Variants in NCOA2 observed in about 807,000 individuals in gnomAD.
NCOA2 encodes the protein nuclear receptor coactivator 2.
Under a neutral mutation model 145.1 loss-of-function variants are expected in NCOA2, and 21 were observed. The ratio of observed to expected loss-of-function variants is 0.14; its 90% CI spans 0.10 to 0.21. The LOEUF is 0.21. Ranked by LOEUF, NCOA2 falls within the 10% of genes least tolerant of loss-of-function variation. The pLI is 1.00. For synonymous variants in NCOA2, 619 were observed against 637.5 expected (o/e 0.97, Z 0.44); for missense variants, 1,472 against 1,837.6 (o/e 0.80, Z 3.64).
At chr8:70,408,267 G>A (rs1814812342), upstream of NCOA2, among the ~76,000 whole-genome samples, 1 of 152,188 alleles carries the variant, frequency 6.6e-6, no homozygotes, top group South Asian at 2.1e-4. Context: ...ATGATATAGT[G>A]TACGTACAAA....
intron 22 of NCOA2, among the ~76,000 whole-genome samples, chr8:70,116,994 G>A (rs901211181): frequency 3.9e-5 from 6 of 152,224 alleles, no homozygotes; most frequent in Admixed American, 1.3e-4. Context: ...GACTACAAGC[G>A]TGCCACCCAC....
chr8:70,161,807 C>G (rs953241140), intron 9 of NCOA2, among the ~76,000 whole-genome samples: 1 of 152,202 alleles, frequency 6.6e-6, no homozygotes, highest in East Asian at 1.9e-4. Flanking sequence ...ATGTGGAGCC[C>G]TGGCCAACCG....
chr8:70,404,877 TG>T (rs1454819011), upstream of NCOA2, among the ~76,000 whole-genome samples: 3 of 151,116 alleles, frequency 2.0e-5, no homozygotes, highest in Non-Finnish European at 4.4e-5. Flanking sequence ...GGTAATTAGT[TG>T]AAAAAAAAAA....
rs147098821 is a variant in NCOA2 at position 70,192,143 on chromosome 8, T to C, written c.260-17284A>G. ...TGTATTTCAAAGAATACATTTCCAA[T>C]TGTATCTGTACGTGGAATACCATTT... On this transcript the variant is annotated intron_variant, in intron 4 of 22. Coordinates refer to ENST00000452400, the MANE Select transcript of NCOA2 (RefSeq NM_006540.4). Among the ~76,000 whole-genome samples, 15 of 152,358 alleles carry C rather than the reference T, an allele frequency of 9.8e-5. No individual in the cohort carries two copies. In the East Asian group the frequency reaches 2.7e-3, roughly 27 times the overall value.
At chr8:70,229,219 G>C (rs181157029) in intron 2 of NCOA2, among the ~76,000 whole-genome samples, 58 of 152,180 alleles carry the variant, frequency 3.8e-4, no homozygotes, top group African/African-American at 1.3e-3. Flanking sequence ...TAGCTGCTAA[G>C]GGCAAAATGC....
intron 2 of NCOA2, among the ~76,000 whole-genome samples, chr8:70,235,036 A>G (rs1411244799): frequency 6.6e-6 from 1 of 152,214 alleles, no homozygotes; most frequent in Non-Finnish European, 1.5e-5. Context: ...TCTAAGCAGC[A>G]TAATAGGTGA....
intron 1 of NCOA2, among the ~76,000 whole-genome samples, chr8:70,326,614 T>C (rs1255853421): frequency 6.6e-6 from 1 of 152,138 alleles, no homozygotes; most frequent in Non-Finnish European, 1.5e-5. Flanking sequence ...TTACATGATA[T>C]ATATATAACA....
intron 1 of NCOA2, among the ~76,000 whole-genome samples, chr8:70,323,225 A>G (rs1479317733): frequency 4.6e-5 from 7 of 152,222 alleles, no homozygotes; most frequent in Non-Finnish European, 1.0e-4. Context: ...ATCAAACATA[A>G]TCCCTGCCTG....
chr8:70,403,275 G>A (rs1453208626), intron 1 of NCOA2, among the ~76,000 whole-genome samples: 2 of 151,236 alleles, frequency 1.3e-5, no homozygotes, highest in Non-Finnish European at 3.0e-5. Flanking sequence ...TGGGCAATGG[G>A]CACTCGCTCC....
intron 1 of NCOA2, among the ~76,000 whole-genome samples, chr8:70,351,984 T>TTA (rs1554633196): frequency 2.0e-5 from 3 of 151,788 alleles, no homozygotes; most frequent in Admixed American, 1.3e-4. Flanking sequence ...ATTTTTTTTT[T>TTA]AAAAAAGGAA....
At chr8:70,338,057 A>G (rs1807787445) in intron 1 of NCOA2, among the ~76,000 whole-genome samples, 1 of 152,106 alleles carries the variant, frequency 6.6e-6, no homozygotes. Flanking sequence ...AAATACCCGA[A>G]AGCTAGCAGA....
Position 70,156,843 on chromosome 8 carries a change from A to G in NCOA2, c.1522T>C (p.Ser508Pro). 1 of 1,613,968 alleles carries G rather than the reference A, an allele frequency of 6.2e-7. No homozygotes were observed. The highest frequency in any genetic ancestry group is 1.7e-5 in the Admixed American group (1 of 60,020). Residue 508 changes from serine to proline, a missense_variant, in exon 11 of 23, where the codon TCC becomes CCC. Ser to Pro is a moderately conservative substitution (Grantham distance 74). Coordinates refer to ENST00000452400, the MANE Select transcript of NCOA2 (RefSeq NM_006540.4). ...GSPRIPPSQF[S>P]PAGSLHSPVG... ...GGGGAATGCAAGCTTCCTGCAGGGG[A>G]AAACTGACTGGGTGGGATTCGAGGG...
chr8:70,126,854 G>A lies in NCOA2; in HGVS notation c.3875C>T (p.Pro1292Leu). 1 of 1,613,972 alleles carries A rather than the reference G, an allele frequency of 6.2e-7. No homozygotes were observed. Among genetic ancestry groups the A allele is most frequent in the Non-Finnish European group, 8.5e-7 (1 of 1,179,890 alleles). Reference sequence around the variant, plus strand: ...TGGAAACTGCTGTGCATTTGCCTGGGGAATCCGAGGGTTGCTCATAGTTGC... The same window carrying A: ...TGGAAACTGCTGTGCATTTGCCTGGAGAATCCGAGGGTTGCTCATAGTTGC... ...MPATMSNPRI[P>L]QANAQQFPFP... is the part of the protein sequence containing the mutation. Residue 1292 changes from proline to leucine, a missense_variant, in exon 19 of 23, where the codon CCC becomes CTC. Pro to Leu is a moderately conservative substitution (Grantham distance 98). Coordinates refer to ENST00000452400, the MANE Select transcript of NCOA2 (RefSeq NM_006540.4).
the NCOA2 span, among the ~76,000 whole-genome samples, chr8:70,438,838 A>G: frequency 4.9e-4 from 75 of 152,286 alleles, no homozygotes; most frequent in African/African-American, 1.8e-3. Flanking sequence ...GTGATACCAA[A>G]CACCGAGGTG....
In NCOA2 at chr8:70,123,914, C is replaced by T. The variant is rs774538242; in HGVS notation, c.4263G>A (p.Thr1421=). 1.9e-5 allele frequency: 31 copies of T among 1,613,430 alleles called. No individual in the cohort carries two copies. The highest frequency in any genetic ancestry group is 2.5e-5 in the Non-Finnish European group (29 of 1,179,658). The change falls in exon 21 of 23, where the codon ACG becomes ACA. Residue 1421 remains threonine, a synonymous_variant. Transcript: ENST00000452400. ...CGGGACCCATGGAGGACAGCCCTGACGTAGGCACGGAGGTCACTGAGGTCA... is the reference window on the plus strand; with the variant it reads ...CGGGACCCATGGAGGACAGCCCTGATGTAGGCACGGAGGTCACTGAGGTCA... ...ISMTSVTSVP[T]SGLSSMGPEQ...
chr8:70,407,040 C>T (rs781513976), upstream of NCOA2, among the ~76,000 whole-genome samples: 1 of 152,172 alleles, frequency 6.6e-6, no homozygotes, highest in Non-Finnish European at 1.5e-5. Context: ...AACTATCAAG[C>T]TCTTTATACA....
rs71758835 is a variant in NCOA2, at chr8:70,147,110, T to TCG, written c.2605+1161_2605+1162dup. On this transcript the variant is annotated intron_variant, in intron 12 of 22. Coordinates refer to ENST00000452400, the MANE Select transcript of NCOA2 (RefSeq NM_006540.4). ...GTTTGAGAGGTCACATGCAAATCTTTCGCGCGCGCGCGCGCGCGTGTGTGT... is the reference window on the plus strand; with the variant it reads ...GTTTGAGAGGTCACATGCAAATCTTTCGCGCGCGCGCGCGCGCGCGTGTGTGT... Among the ~76,000 whole-genome samples the TCG allele has an allele frequency of 9.3e-3, 1,389 of 149,426 alleles. 18 individuals are homozygous for TCG. Among genetic ancestry groups the TCG allele is most frequent in the African/African-American group, 0.029 (1,155 of 40,216 alleles).
At chr8:70,160,682 G>GAGAGAGAGAGAGAGGGA (rs371258460) in intron 9 of NCOA2, among the ~76,000 whole-genome samples, 19 of 58,356 alleles carry the variant, frequency 3.3e-4, no homozygotes, top group Middle Eastern at 8.5e-3. Context: ...AGAGAGAGAG[G>GAGAGAGAGAGAGAGGGA]GAGAGAGAGA....
chr8:70,114,674 G>C (rs1806885240), intron 22 of NCOA2, among the ~76,000 whole-genome samples: 1 of 152,166 alleles, frequency 6.6e-6, no homozygotes, highest in African/African-American at 2.4e-5. Context: ...AACATGATCT[G>C]AGTTTGGTTA....
Sources: gnomAD v4.1 joint callset for allele counts (sites outside exome capture counted in the v4.1 genomes callset) on GRCh38, gnomAD v4.1.1 for gene constraint, MANE v1.5 for transcripts, NCBI Gene and HGNC (gene_info 2026-07-23, HGNC 2026-07-21) for gene names.